MNAT1: variants seen among roughly 807,000 people sequenced by gnomAD.
The protein encoded by MNAT1 is MNAT1 component of CDK activating kinase.
MNAT1 carries 43 observed loss-of-function variants against 42.0 expected under a neutral mutation model. The observed-to-expected ratio is 1.02, with a 90% CI of 0.80 to 1.32. The LOEUF (loss-of-function observed/expected upper bound fraction) is 1.32. Ranked by LOEUF, MNAT1 falls within the 40% of genes most tolerant of loss-of-function variation. The pLI is 0.00. For missense variants in MNAT1, 306 were observed against 350.4 expected, an observed-to-expected ratio of 0.87 and a Z score of 1.01; for synonymous variants, 118 against 120.0, an observed-to-expected ratio of 0.98 and a Z score of 0.11.
At chr14:60,735,900 G>A (rs1465420839) in intron 1 of MNAT1, among the ~76,000 whole-genome samples, 1 of 152,134 alleles carries the variant, frequency 6.6e-6, no homozygotes, top group African/African-American at 2.4e-5. Flanking sequence ...GTTTATTGGA[G>A]GCAAAAAATA....
At chr14:60,738,014 A>C (rs1896356112) in intron 1 of MNAT1, among the ~76,000 whole-genome samples, 1 of 149,680 alleles carries the variant, frequency 6.7e-6, no homozygotes, top group South Asian at 2.1e-4. Flanking sequence ...ACGCCCGGCT[A>C]ATTTTTTTGT....
rs533032921 is a variant in MNAT1 at position 60,881,082 on chromosome 14, C to G, written c.809+1247C>G. 1.5e-4 allele frequency among the ~76,000 whole-genome samples: 23 copies of G among 152,232 alleles called. No homozygotes were observed. In the South Asian group the frequency reaches 4.6e-3, roughly 30 times the overall value. ...AGTTCACGTGTTTAAAATAGTACTC[C>G]TCTGTTACTAGGTTTTGCATTTTCC... On this transcript the variant is annotated intron_variant, in intron 7 of 7. Coordinates refer to ENST00000261245, the MANE Select transcript of MNAT1 (RefSeq NM_002431.4).
intron 1 of MNAT1, among the ~76,000 whole-genome samples, chr14:60,736,605 A>G (rs746850175): frequency 1.2e-4 from 18 of 152,160 alleles, no homozygotes; most frequent in Non-Finnish European, 2.6e-4. Context: ...TTTGACTTGA[A>G]ATGTGAACAA....
intron 7 of MNAT1, among the ~76,000 whole-genome samples, chr14:60,883,934 T>A (rs1026851512): frequency 1.3e-5 from 2 of 152,190 alleles, no homozygotes; most frequent in African/African-American, 4.8e-5. Context: ...GCAACTTTAC[T>A]CAATTTGTTT....
intron 1 of MNAT1, among the ~76,000 whole-genome samples, chr14:60,748,764 G>C (rs909481068): frequency 6.6e-5 from 10 of 152,186 alleles, no homozygotes; most frequent in Non-Finnish European, 1.3e-4. Flanking sequence ...ATCTGCTGAG[G>C]CTGTTTCACA....
At chr14:60,917,812 C>T (rs554429723) in intron 7 of MNAT1, among the ~76,000 whole-genome samples, 7 of 151,832 alleles carry the variant, frequency 4.6e-5, no homozygotes, top group East Asian at 1.9e-4. Flanking sequence ...TTAATAGAGA[C>T]GGACGGAGTT....
rs1228397355 is a variant in MNAT1 at position 60,746,921 on chromosome 14, TATACACACACACACACACACACACAC to T, written c.89+11972_89+11997del. ...TCATATATATATATATATATATATA[TATACACACACACACACACACACACAC>T]ACACACACACACACACACACACACA... On this transcript the variant is annotated intron_variant, in intron 1 of 7. Transcript: ENST00000261245. Among the ~76,000 whole-genome samples the T allele has an allele frequency of 1.5e-3, 62 of 41,594 alleles. 1 individual carries two copies. The highest frequency in any genetic ancestry group is 2.4e-3 in the Non-Finnish European group (56 of 23,806). 27.3% of individuals were successfully genotyped at this position (41,594 alleles called of 152,430 possible).
intron 1 of MNAT1, among the ~76,000 whole-genome samples, chr14:60,748,460 G>T (rs920889109): frequency 5.9e-5 from 9 of 152,122 alleles, no homozygotes; most frequent in African/African-American, 2.2e-4. Flanking sequence ...TGAACTCCTG[G>T]GCTCAAGTGA....
At chr14:60,948,290 G>A (rs1394618905) in intron 7 of MNAT1, among the ~76,000 whole-genome samples, 1 of 152,066 alleles carries the variant, frequency 6.6e-6, no homozygotes, top group Non-Finnish European at 1.5e-5. Flanking sequence ...AATTAGCTGG[G>A]CATGGTGGTG....
At chr14:60,947,499 A>G (rs984785735) in intron 7 of MNAT1, among the ~76,000 whole-genome samples, 2 of 152,112 alleles carry the variant, frequency 1.3e-5, no homozygotes, top group Non-Finnish European at 2.9e-5. Flanking sequence ...CCTGGCCAAC[A>G]TGGTGAAACC....
rs1566579841 is a variant in MNAT1, at chr14:60,958,534, T to C, written c.810-9695T>C. Among the ~76,000 whole-genome samples, 4 of 152,102 alleles carry C rather than the reference T, an allele frequency of 2.6e-5. No homozygotes were observed. In the South Asian group the frequency reaches 8.3e-4, roughly 32 times the overall value. On this transcript the variant is annotated intron_variant, in intron 7 of 7. Transcript: ENST00000261245. The stretch of plus-strand genomic sequence containing the variant: ...TCTGATTTTACATCTTTATGTTTCA[T>C]GTACCTTGATGTTTATATCTTTCCC...
intron 7 of MNAT1, among the ~76,000 whole-genome samples, chr14:60,907,085 A>G (rs968808129): frequency 1.3e-5 from 2 of 152,060 alleles, no homozygotes; most frequent in East Asian, 1.9e-4. Context: ...TAACTCCCCT[A>G]TGGTACTACA....
chr14:60,882,660 T>C (rs1269763498), intron 7 of MNAT1, among the ~76,000 whole-genome samples: 1 of 152,162 alleles, frequency 6.6e-6, no homozygotes, highest in Non-Finnish European at 1.5e-5. Context: ...ACCTCGAAAC[T>C]GTTCTCCATA....
Position 60,808,384 on chromosome 14 carries a change from C to T in MNAT1, c.376C>T (p.Gln126Ter). ...CACCAAAAAGAAAATGGAGATATAC[C>T]AAAAGGAAAACAAAGATGTTATTCA... ...DNTKKKMEIYQKENKDVIQKN... is the reference protein window; with the variant it reads ...DNTKKKMEIY Residue 126 changes from glutamine to a stop codon, truncating the protein, a stop_gained, in exon 4 of 8, where the codon CAA (glutamine) becomes TAA (stop). Coordinates refer to ENST00000261245, the MANE Select transcript of MNAT1 (RefSeq NM_002431.4). LOFTEE classifies it high-confidence loss of function. 6.3e-7 allele frequency: 1 copy of T among 1,578,850 alleles called. No individual in the cohort carries two copies.
chr14:60,742,259 AT>A (rs1048094917), intron 1 of MNAT1, among the ~76,000 whole-genome samples: 2 of 149,812 alleles, frequency 1.3e-5, no homozygotes, highest in East Asian at 2.0e-4. Context: ...CTAATTTTTA[AT>A]TTTTTTTTGT....
intron 6 of MNAT1, among the ~76,000 whole-genome samples, chr14:60,864,774 TAGC>T (rs1324749762): frequency 6.6e-6 from 1 of 151,934 alleles, no homozygotes; most frequent in Non-Finnish European, 1.5e-5. Context: ...ATGAGTGTGA[TAGC>T]GGTGGTGGTG....
intron 7 of MNAT1, among the ~76,000 whole-genome samples, chr14:60,958,594 T>C (rs1257819988): frequency 1.5e-5 from 1 of 67,878 alleles, no homozygotes; most frequent in African/African-American, 4.8e-5. Context: ...TATTTCTTTC[T>C]CTTTCTCTTT....
intron 7 of MNAT1, among the ~76,000 whole-genome samples, chr14:60,946,525 T>C (rs184541635): frequency 4.5e-4 from 68 of 152,216 alleles, no homozygotes; most frequent in African/African-American, 1.4e-3. Flanking sequence ...TTTTTGTTTT[T>C]GTTTTTGTTT....
At chr14:60,829,035 T>G (rs1278430539) in intron 6 of MNAT1, among the ~76,000 whole-genome samples, 1 of 152,082 alleles carries the variant, frequency 6.6e-6, no homozygotes, top group African/African-American at 2.4e-5. Context: ...GGGGGCTTCT[T>G]TCCTATAGCC....
Sources: allele counts gnomAD v4.1 joint callset (sites outside exome capture counted in the v4.1 genomes callset), GRCh38; gene constraint gnomAD v4.1.1; transcripts MANE v1.5; gene names NCBI Gene and HGNC (gene_info 2026-07-23, HGNC 2026-07-21).